The following CSMD1 variants were observed in gnomAD, a reference collection of about 807,000 sequenced individuals.
The protein encoded by CSMD1 is CUB and sushi domain-containing protein 1.
In CSMD1, 213 loss-of-function variants were observed where a neutral mutation model predicts 417.5. The observed-to-expected ratio is 0.51, with a 90% confidence interval of 0.46 to 0.57. The LOEUF (loss-of-function observed/expected upper bound fraction) is 0.57. Among genes scored for constraint, CSMD1 ranks in the 20% least tolerant of loss-of-function variants. The pLI is 0.00. For missense variants in CSMD1, 6,923 were observed against 4,529.7 expected (o/e 1.53, Z -15.17); for synonymous variants, 2,862 against 1,736.8 (o/e 1.65, Z -16.11).
chr8:4,785,511 T>G (rs1387420155), intron 1 of CSMD1, among the ~76,000 whole-genome samples: 1 of 152,140 alleles, frequency 6.6e-6, no homozygotes, highest in Non-Finnish European at 1.5e-5. Flanking sequence ...CTGATTACCC[T>G]AGACAGCACC....
At chr8:3,992,655 C>A (rs1814849091) in intron 5 of CSMD1, among the ~76,000 whole-genome samples, 1 of 152,080 alleles carries the variant, frequency 6.6e-6, no homozygotes, top group Admixed American at 6.5e-5. Flanking sequence ...GGGTTCTGCA[C>A]CTGTAGTCCC....
At chr8:4,690,123 T>C (rs1806673606) in intron 1 of CSMD1, among the ~76,000 whole-genome samples, 2 of 152,252 alleles carry the variant, frequency 1.3e-5, no homozygotes, top group Non-Finnish European at 2.9e-5. Context: ...AAATTCATGA[T>C]ATTGTGAAAG....
At chr8:4,272,350 A>T (rs1380975619) in intron 3 of CSMD1, among the ~76,000 whole-genome samples, 1 of 152,174 alleles carries the variant, frequency 6.6e-6, no homozygotes, top group Non-Finnish European at 1.5e-5. Flanking sequence ...ATGTTATTCC[A>T]CTAATTGCTG....
chr8:4,151,458 T>A (rs1247067335), intron 3 of CSMD1, among the ~76,000 whole-genome samples: 2 of 152,222 alleles, frequency 1.3e-5, no homozygotes, highest in Admixed American at 1.3e-4. Context: ...AGATATTGAA[T>A]CACCCATATC....
chr8:3,000,012 C>G lies in CSMD1; in HGVS notation c.8149G>C (p.Val2717Leu). 1.2e-6 allele frequency: 2 copies of G among 1,608,232 alleles called. No individual in the cohort carries two copies. The highest frequency in any genetic ancestry group is 1.7e-6 in the Non-Finnish European group (2 of 1,178,944). Residue 2717 changes from valine to leucine, a missense_variant, in exon 53 of 70, where the codon GTG becomes CTG. Physicochemically the swap from Val to Leu is conservative, Grantham distance 32. Coordinates refer to ENST00000635120, the MANE Select transcript of CSMD1 (RefSeq NM_033225.6). ...NPGFRLVGTSVRICLQDHKWS... is the reference protein window; with the variant it reads ...NPGFRLVGTSLRICLQDHKWS... ...TTGTGGTCTTGCAGGCATATCCTCA[C>G]GGAAGTTCCCACAAGCCGGAAACCA...
At chr8:4,051,009 G>A (rs889050351) in intron 3 of CSMD1, among the ~76,000 whole-genome samples, 1 of 152,064 alleles carries the variant, frequency 6.6e-6, no homozygotes, top group African/African-American at 2.4e-5. Context: ...TTTTAAGGAG[G>A]AAGGAGCCAG....
intron 23 of CSMD1, among the ~76,000 whole-genome samples, chr8:3,324,971 G>C (rs921715621): frequency 6.6e-6 from 1 of 150,890 alleles, no homozygotes; most frequent in African/African-American, 2.4e-5. Context: ...TTTTTACTTG[G>C]TTTAAAAGAA....
chr8:4,246,257 C>G (rs1700102), intron 3 of CSMD1, among the ~76,000 whole-genome samples: 96,157 of 151,904 alleles, frequency 0.63, 31,202 homozygotes, highest in East Asian at 0.83. Flanking sequence ...CTTACTTATA[C>G]ATGATAACTT....
chr8:4,921,949 G>A (rs28583948), intron 1 of CSMD1, among the ~76,000 whole-genome samples: 415 of 152,164 alleles, frequency 2.7e-3, no homozygotes, highest in African/African-American at 9.1e-3. Context: ...CATCTGTTTG[G>A]AATACTTGCC....
chr8:4,629,820 T>C (rs1353622346), intron 2 of CSMD1, among the ~76,000 whole-genome samples: 1 of 152,194 alleles, frequency 6.6e-6, no homozygotes, highest in Non-Finnish European at 1.5e-5. Context: ...TGTCTGCTAA[T>C]AATAGTGTCA....
At chr8:2,994,067 A>G (rs2128950199) in intron 54 of CSMD1, among the ~76,000 whole-genome samples, 1 of 146,186 alleles carries the variant, frequency 6.8e-6, no homozygotes, top group East Asian at 2.0e-4. Flanking sequence ...ATTCACTTGA[A>G]CCCTGGAGGC....
intron 51 of CSMD1, among the ~76,000 whole-genome samples, chr8:3,024,300 G>C (rs1031682404): frequency 1.3e-5 from 2 of 149,454 alleles, no homozygotes; most frequent in African/African-American, 2.5e-5. Context: ...TTTTTTTGGG[G>C]GGGGAGGGCA....
At chr8:3,822,064 G>T (rs1801766498) in intron 5 of CSMD1, among the ~76,000 whole-genome samples, 1 of 152,238 alleles carries the variant, frequency 6.6e-6, no homozygotes, top group South Asian at 2.1e-4. Flanking sequence ...TTTGACCTAT[G>T]CTGTTAACTC....
At chr8:3,700,340 G>C (rs1001517651) in intron 7 of CSMD1, among the ~76,000 whole-genome samples, 11 of 152,288 alleles carry the variant, frequency 7.2e-5, no homozygotes, top group Admixed American at 2.6e-4. Context: ...AGATGTGAGA[G>C]AAATGAAATG....
At chr8:3,014,223 T>C (rs950148682) in intron 52 of CSMD1, among the ~76,000 whole-genome samples, 1 of 151,886 alleles carries the variant, frequency 6.6e-6, no homozygotes, top group Non-Finnish European at 1.5e-5. Context: ...TGAATAGTAC[T>C]TATGAATATC....
intron 1 of CSMD1, among the ~76,000 whole-genome samples, chr8:4,895,201 C>A (rs1198748959): frequency 6.6e-6 from 1 of 152,122 alleles, no homozygotes; most frequent in East Asian, 1.9e-4. Context: ...TAACAAAAAA[C>A]TAAGCTAACC....
chr8:4,650,674 A>G (rs931181471), intron 1 of CSMD1, among the ~76,000 whole-genome samples: 42 of 151,864 alleles, frequency 2.8e-4, no homozygotes, highest in Non-Finnish European at 2.5e-4. Context: ...AAAAAGATAC[A>G]GCTTGTAGTT....
rs544497813 is a variant in CSMD1 at position 4,297,034 on chromosome 8, C to G, written c.415+122919G>C. Among the ~76,000 whole-genome samples, 3 of 152,148 alleles carry G rather than the reference C, an allele frequency of 2.0e-5. No individual in the cohort carries two copies. The East Asian group carries it at 5.8e-4, about 29-fold the overall frequency. The stretch of plus-strand genomic sequence containing the variant: ...GAAGTGCTGGGAAAGAGTAATGCTA[C>G]ATTTTTACGCCAATAAAAATGGTCG... On this transcript the variant is annotated intron_variant, in intron 3 of 69. Coordinates refer to ENST00000635120, the MANE Select transcript of CSMD1 (RefSeq NM_033225.6).
At chr8:3,930,356 A>G (rs1810055723) in intron 5 of CSMD1, among the ~76,000 whole-genome samples, 1 of 150,596 alleles carries the variant, frequency 6.6e-6, no homozygotes. Flanking sequence ...AAAGAAATCA[A>G]TGTATTTTAT....
Sources: allele counts gnomAD v4.1 joint callset (sites outside exome capture counted in the v4.1 genomes callset), GRCh38; gene constraint gnomAD v4.1.1; transcripts MANE v1.5; gene names NCBI Gene and HGNC (gene_info 2026-07-23, HGNC 2026-07-21).